The following AAK1 variants were observed in gnomAD, a reference collection of about 807,000 sequenced individuals.
The protein encoded by AAK1 is AP2 associated kinase 1.
In AAK1, 37 loss-of-function variants were observed where a neutral mutation model predicts 116.0. The observed-to-expected ratio is 0.32, with a 90% confidence interval of 0.25 to 0.42. AAK1 has a LOEUF of 0.42. AAK1 is among the 10% of genes least tolerant of loss of function. The pLI is 1.00. For synonymous variants in AAK1, 458 were observed against 439.9 expected, an observed-to-expected ratio of 1.04 and a Z score of -0.51; for missense variants, 919 against 1,170.6, an observed-to-expected ratio of 0.79 and a Z score of 3.14.
chr2:69,594,561 T>C (rs941623029), intron 2 of AAK1, among the ~76,000 whole-genome samples: 1 of 152,216 alleles, frequency 6.6e-6, no homozygotes, highest in African/African-American at 2.4e-5. Flanking sequence ...CTGCCAGGAA[T>C]GTGGCTACTG....
chr2:69,633,436 A>C (rs1193903727), intron 2 of AAK1, among the ~76,000 whole-genome samples: 1 of 151,686 alleles, frequency 6.6e-6, no homozygotes, highest in Non-Finnish European at 1.5e-5. Flanking sequence ...CCCCATCTCT[A>C]CTAAAAACAC....
At chr2:69,594,675 GA>G in intron 2 of AAK1, 19 of 583,026 alleles carry the variant, frequency 3.3e-5, no homozygotes, top group East Asian at 1.5e-4. Context: ...GTTCTTGAAG[GA>G]ATTTTTTTTA....
At chr2:69,599,658 T>C (rs559257305) in intron 2 of AAK1, among the ~76,000 whole-genome samples, 6 of 152,352 alleles carry the variant, frequency 3.9e-5, no homozygotes, top group African/African-American at 1.2e-4. Context: ...TGTTATTGTG[T>C]ATCAGTAATC....
intron 2 of AAK1, among the ~76,000 whole-genome samples, chr2:69,587,256 T>A (rs1672809113): frequency 6.6e-6 from 1 of 151,054 alleles, no homozygotes; most frequent in African/African-American, 2.4e-5. Flanking sequence ...AGCTTATATA[T>A]ATATACACAT....
At chr2:69,610,111 CA>C (rs1390082785) in intron 2 of AAK1, among the ~76,000 whole-genome samples, 5 of 146,920 alleles carry the variant, frequency 3.4e-5, no homozygotes, top group African/African-American at 1.3e-4. Flanking sequence ...AAACTTACTA[CA>C]AAACTACAGT....
intron 18 of AAK1, chr2:69,482,301 GA>G: frequency 2.7e-6 from 1 of 373,880 alleles, no homozygotes; most frequent in East Asian, 5.4e-5. Context: ...GCAGTGAGCT[GA>G]GATCTTGCCA....
Position 69,532,275 on chromosome 2 carries a change from T to C in AAK1, c.535-113A>G. ...TTTATTTCTGGCAGTCTCATTAATG[T>C]GCACAGGGAAGTTATTCCTCTCCAA... On this transcript the variant is annotated intron_variant, in intron 5 of 21. Coordinates refer to ENST00000409085, the MANE Select transcript of AAK1 (RefSeq NM_014911.5). The C allele has an allele frequency of 3.8e-6, 5 of 1,317,798 alleles. No individual in the cohort carries two copies. The East Asian group carries it at 1.0e-4, about 27-fold the overall frequency. 81.6% of individuals were successfully genotyped at this position (1,317,798 alleles called of 1,614,324 possible).
chr2:69,503,066 T>C (rs1206417557), intron 16 of AAK1, among the ~76,000 whole-genome samples: 1 of 152,176 alleles, frequency 6.6e-6, no homozygotes, highest in Non-Finnish European at 1.5e-5. Flanking sequence ...CCCTTCAGTA[T>C]AGTTTACAGC....
At chr2:69,487,500 T>G (rs1172304405) in intron 17 of AAK1, among the ~76,000 whole-genome samples, 1 of 152,216 alleles carries the variant, frequency 6.6e-6, no homozygotes, top group African/African-American at 2.4e-5. Context: ...GACTTAGTGA[T>G]GTCTAATGAA....
intron 3 of AAK1, among the ~76,000 whole-genome samples, chr2:69,546,830 G>T (rs561503431): frequency 6.7e-6 from 1 of 149,190 alleles, no homozygotes; most frequent in African/African-American, 2.5e-5. Flanking sequence ...GTTAACATCT[G>T]CTGGTTAATA....
chr2:69,562,876 C>T (rs1475770862), intron 2 of AAK1, among the ~76,000 whole-genome samples: 1 of 152,030 alleles, frequency 6.6e-6, no homozygotes, highest in Non-Finnish European at 1.5e-5. Flanking sequence ...GGCGACAGAG[C>T]GAGACTCCAT....
chr2:69,500,703 A>C lies in AAK1; in HGVS notation c.2270-4623T>G, dbSNP rs867366905. On this transcript the variant is annotated intron_variant, in intron 16 of 21. Coordinates refer to ENST00000409085, the MANE Select transcript of AAK1 (RefSeq NM_014911.5). Reference sequence around the variant, plus strand: ...TATATATATATATATATATATACACACACACACACACACACACACACACAC... The same window carrying C: ...TATATATATATATATATATATACACCCACACACACACACACACACACACAC... 9.5e-5 allele frequency among the ~76,000 whole-genome samples: 12 copies of C among 126,548 alleles called. No homozygotes were observed. In the Middle Eastern group the frequency reaches 0.019, roughly 200 times the overall value. The allele number at this position is 126,548 out of a possible 152,430, so 83.0% of individuals were successfully genotyped here.
Position 69,503,935 on chromosome 2 carries a change from G to A in AAK1, c.2269+1634C>T, listed in dbSNP as rs180690353. On this transcript the variant is annotated intron_variant, in intron 16 of 21. Transcript: ENST00000409085. ...AATCGTTTGAACCTGGAAGGTGGAG[G>A]TTGCAGTGAGCCAAGATCGCACCAT... Among the ~76,000 whole-genome samples the A allele has an allele frequency of 4.6e-3, 691 of 151,502 alleles. 3 individuals carry two copies. Among genetic ancestry groups the A allele is most frequent in the African/African-American group, 0.016 (657 of 41,276 alleles).
At chr2:69,540,025 A>G (rs1211300241) in intron 5 of AAK1, among the ~76,000 whole-genome samples, 4 of 152,092 alleles carry the variant, frequency 2.6e-5, no homozygotes, top group Non-Finnish European at 5.9e-5. Flanking sequence ...GGGTAGGAAC[A>G]ATGTTATATT....
intron 2 of AAK1, among the ~76,000 whole-genome samples, chr2:69,618,318 G>C (rs1307172868): frequency 8.6e-5 from 13 of 152,022 alleles, no homozygotes; most frequent in Non-Finnish European, 8.8e-5. Flanking sequence ...CTTTTAATAA[G>C]AGGAAGTTAA....
At chr2:69,567,100 T>C (rs904793681) in intron 2 of AAK1, among the ~76,000 whole-genome samples, 1 of 152,236 alleles carries the variant, frequency 6.6e-6, no homozygotes, top group African/African-American at 2.4e-5. Flanking sequence ...CTTCCAGTGC[T>C]CACTCTGTTC....
intron 2 of AAK1, among the ~76,000 whole-genome samples, chr2:69,571,301 T>C (rs1359934302): frequency 2.6e-5 from 4 of 152,192 alleles, no homozygotes; most frequent in African/African-American, 9.6e-5. Context: ...TGTAATCAAA[T>C]GGTGCTACAC....
At position 69,496,615 on chromosome 2, in the gene AAK1, G is replaced by T. The variant is rs144882208; in HGVS notation, c.2270-535C>A. ...AGATGCAATTAACAATAAAACCAGG[G>T]TATTCATATGTCTGAAATTCCACTC... On this transcript the variant is annotated intron_variant, in intron 16 of 21. Coordinates refer to ENST00000409085, the MANE Select transcript of AAK1 (RefSeq NM_014911.5). Among the ~76,000 whole-genome samples the T allele has an allele frequency of 2.9e-3, 439 of 152,232 alleles. 1 individual carries two copies. Among genetic ancestry groups the T allele is most frequent in the Admixed American group, 4.4e-3 (67 of 15,304 alleles).
intron 17 of AAK1, among the ~76,000 whole-genome samples, chr2:69,493,158 C>CAAAAAAAAA (rs574490585): frequency 0.014 from 526 of 37,520 alleles, 94 homozygotes; most frequent in African/African-American, 0.032. Flanking sequence ...GACTCCGTCT[C>CAAAAAAAAA]AAAAAAAAAA....
Sources: allele counts gnomAD v4.1 joint callset (sites outside exome capture counted in the v4.1 genomes callset), GRCh38; gene constraint gnomAD v4.1.1; transcripts MANE v1.5; gene names NCBI Gene and HGNC (gene_info 2026-07-23, HGNC 2026-07-21).